TOGARAM2: variants seen among roughly 807,000 people sequenced by gnomAD.
The protein encoded by TOGARAM2 is TOG array regulator of axonemal microtubules 2, also known as TOG array regulator of axonemal microtubules protein 2.
TOGARAM2 carries 85 observed loss-of-function variants against 93.3 expected under a neutral mutation model. That is an observed-to-expected ratio of 0.91 (90% confidence interval 0.76 to 1.09). The LOEUF is 1.09. Among genes scored for constraint, TOGARAM2 ranks in the 50% least tolerant of loss-of-function variants. TOGARAM2 has a pLI of 0.00. For missense variants in TOGARAM2, 1,277 were observed against 1,334.5 expected, an observed-to-expected ratio of 0.96 and a Z score of 0.67; for synonymous variants, 593 against 552.8, an observed-to-expected ratio of 1.07 and a Z score of -1.02.
At chr2:29,011,645 C>A (rs1558431163) in intron 7 of TOGARAM2, 144 bp downstream of exon 7, 3 of 835,824 alleles carry the variant, frequency 3.6e-6, no homozygotes, top group Non-Finnish European at 5.2e-6. Flanking sequence ...GCTGAAGTCA[C>A]CGGAGGTCTA....
intron 13 of TOGARAM2, among the ~76,000 whole-genome samples, chr2:29,026,417 C>G (rs941694461): frequency 6.6e-6 from 1 of 152,126 alleles, no homozygotes; most frequent in African/African-American, 2.4e-5. Context: ...TGTACTTCCC[C>G]GGGGACAAAG....
intron 7 of TOGARAM2, 50 bp from the exon 8 acceptor site, chr2:29,014,345 C>G (rs768580846): frequency 6.3e-7 from 1 of 1,582,600 alleles, no homozygotes; most frequent in Non-Finnish European, 8.6e-7. Context: ...TCAGTGAGCT[C>G]AGCAGTGACC....
intron 1 of TOGARAM2, among the ~76,000 whole-genome samples, chr2:28,982,666 G>C (rs992366864): frequency 6.6e-6 from 1 of 152,174 alleles, no homozygotes; most frequent in African/African-American, 2.4e-5. Flanking sequence ...CTGCCTCTGA[G>C]GGCAGCGCAT....
chr2:28,996,295 T>A (rs1672985737), intron 2 of TOGARAM2, among the ~76,000 whole-genome samples: 1 of 152,162 alleles, frequency 6.6e-6, no homozygotes, highest in Non-Finnish European at 1.5e-5. Flanking sequence ...CAATACATTA[T>A]TATGAGCTAT....
At chr2:29,017,128 T>C (rs745448578) in intron 8 of TOGARAM2, 26 bp from the exon 9 acceptor site, 29 of 1,605,834 alleles carry the variant, frequency 1.8e-5, no homozygotes, top group African/African-American at 1.6e-4. Flanking sequence ...GGGAGGTTAA[T>C]AGAGTTTGCC....
intron 6 of TOGARAM2, among the ~76,000 whole-genome samples, chr2:29,010,455 C>T (rs1664174451): frequency 6.6e-6 from 1 of 152,122 alleles, no homozygotes; most frequent in Admixed American, 6.5e-5. Context: ...TGAAGCTCCG[C>T]TCCTCCTGTG....
At chr2:29,022,028 T>C in intron 10 of TOGARAM2, 130 bp from the exon 11 acceptor site, 1 of 1,249,046 alleles carries the variant, frequency 8.0e-7, no homozygotes, top group African/African-American at 1.5e-5. Flanking sequence ...CTTCCACTTG[T>C]ACACCCTCCC....
intron 19 of TOGARAM2, chr2:29,050,435 G>A (rs1666998751): frequency 6.6e-6 from 1 of 152,212 alleles, no homozygotes; most frequent in Non-Finnish European, 1.5e-5. Flanking sequence ...GGGACAGCAT[G>A]CGGTAGAAAG....
intron 18 of TOGARAM2, among the ~76,000 whole-genome samples, chr2:29,041,916 T>C (rs530553997): frequency 6.6e-6 from 1 of 152,354 alleles, no homozygotes; most frequent in East Asian, 1.9e-4. Flanking sequence ...GATACTTGCA[T>C]AGTAATTATA....
chr2:28,999,471 G>T lies in TOGARAM2; in HGVS notation c.427+3G>T. 1 of 1,596,068 alleles carries T rather than the reference G, an allele frequency of 6.3e-7. No homozygotes were observed. The highest frequency in any genetic ancestry group is 1.1e-5 in the South Asian group (1 of 87,568). Reference sequence around the variant, plus strand: ...GGGCTTGGCAGCGTCTTCCCGAGGTGAGCACTGGCCCCTGCCCACCCCTCA... The same window carrying T: ...GGGCTTGGCAGCGTCTTCCCGAGGTTAGCACTGGCCCCTGCCCACCCCTCA... On this transcript the variant is annotated splice_donor_region_variant and intron_variant, in intron 4 of 19. Transcript: ENST00000379558.
chr2:29,029,711 G>A (rs915041738), intron 14 of TOGARAM2, among the ~76,000 whole-genome samples: 6 of 148,006 alleles, frequency 4.1e-5, no homozygotes, highest in Middle Eastern at 3.5e-3. Context: ...AACCGAGATC[G>A]CGCCACTGCA....
chr2:29,007,328 T>C (rs1404212347), intron 6 of TOGARAM2, among the ~76,000 whole-genome samples: 1 of 152,070 alleles, frequency 6.6e-6, no homozygotes, highest in Non-Finnish European at 1.5e-5. Context: ...CCACCTCGTG[T>C]TTCCCCAAAC....
chr2:28,966,146 A>G (rs750703884), intron 1 of TOGARAM2, among the ~76,000 whole-genome samples: 36 of 151,098 alleles, frequency 2.4e-4, no homozygotes, highest in Admixed American at 1.5e-3. Flanking sequence ...GTGCGCCACC[A>G]CGCCTGGCTA....
rs561177757 is a variant in TOGARAM2 at position 29,028,334 on chromosome 2, C to T, written c.2012+1323C>T. Reference sequence around the variant, plus strand: ...GAGGGATGTAGTGCCTGCGGTTCCTCCCATTCTCCCCTGCTGCAAACTGTG... The same window carrying T: ...GAGGGATGTAGTGCCTGCGGTTCCTTCCATTCTCCCCTGCTGCAAACTGTG... On this transcript the variant is annotated intron_variant, in intron 14 of 19. Coordinates refer to ENST00000379558, the MANE Select transcript of TOGARAM2 (RefSeq NM_199280.4). Among the ~76,000 whole-genome samples the T allele has an allele frequency of 3.8e-3, 578 of 152,290 alleles. 1 individual carries two copies. The highest frequency in any genetic ancestry group is 4.4e-3 in the Non-Finnish European group (300 of 68,018).
At chr2:29,015,537 C>T (rs73922939) in intron 8 of TOGARAM2, among the ~76,000 whole-genome samples, 2,019 of 152,296 alleles carry the variant, frequency 0.013, 43 homozygotes, top group African/African-American at 0.046. Flanking sequence ...TTTAAGAAAG[C>T]GGAACAAAAC....
At chr2:28,970,159 G>C (rs1671928062) in intron 1 of TOGARAM2, among the ~76,000 whole-genome samples, 1 of 152,142 alleles carries the variant, frequency 6.6e-6, no homozygotes, top group African/African-American at 2.4e-5. Flanking sequence ...ACATAGGCAG[G>C]AACAATATTT....
intron 2 of TOGARAM2, among the ~76,000 whole-genome samples, chr2:28,996,799 C>CAAAAAAAAA (rs1170607481): frequency 2.5e-5 from 1 of 40,722 alleles, no homozygotes; most frequent in Admixed American, 3.1e-4. Context: ...GACTCCATCT[C>CAAAAAAAAA]AAAAAAAAAA....
intron 6 of TOGARAM2, among the ~76,000 whole-genome samples, chr2:29,006,692 C>T (rs1289093644): frequency 6.6e-6 from 1 of 152,148 alleles, no homozygotes; most frequent in East Asian, 1.9e-4. Flanking sequence ...CTTTCTCCGA[C>T]CCTGTGGGTT....
intron 19 of TOGARAM2, chr2:29,047,856 T>A (rs1273139885): frequency 6.7e-6 from 1 of 149,278 alleles, no homozygotes; most frequent in Non-Finnish European, 1.5e-5. Context: ...CAAGAGTGGA[T>A]AAAATGTAGC....
Sources: gnomAD v4.1 joint callset for allele counts (sites outside exome capture counted in the v4.1 genomes callset) on GRCh38, gnomAD v4.1.1 for gene constraint, MANE v1.5 for transcripts, NCBI Gene and HGNC (gene_info 2026-07-23, HGNC 2026-07-21) for gene names.